The following STK36 variants were observed in gnomAD, a reference collection of about 807,000 sequenced individuals.
The protein encoded by STK36 is serine/threonine kinase 36, also known as serine/threonine-protein kinase 36.
Under a neutral mutation model 142.2 loss-of-function variants are expected in STK36, and 116 were observed. The ratio of observed to expected loss-of-function variants is 0.82; its 90% CI spans 0.70 to 0.95. STK36 has a LOEUF of 0.95. Ranked by LOEUF, STK36 falls within the 40% of genes least tolerant of loss-of-function variation. The probability of loss-of-function intolerance (pLI) is 0.00; values close to 1 mark genes in which losing one functional copy is unlikely to be tolerated. For synonymous variants in STK36, 619 were observed against 641.7 expected, an observed-to-expected ratio of 0.96 and a Z score of 0.53; for missense variants, 1,422 against 1,617.2, an observed-to-expected ratio of 0.88 and a Z score of 2.07.
chr2:218,673,666 G>A lies in STK36; in HGVS notation c.126G>A (p.Glu42=), dbSNP rs762166190. The A allele has an allele frequency of 4.3e-6, 7 of 1,614,102 alleles. No homozygotes were observed. The highest frequency in any genetic ancestry group is 5.1e-6 in the Non-Finnish European group (6 of 1,180,040). The part of the protein sequence containing the change: ...LKFIPKLGRS[E]KELRNLQREI... Reference sequence around the variant, plus strand: ...TCATCCCAAAATTGGGGCGCTCAGAGAAGGAGCTGAGGAATTTGCAACGAG... The same window carrying A: ...TCATCCCAAAATTGGGGCGCTCAGAAAAGGAGCTGAGGAATTTGCAACGAG... The change falls in exon 3 of 27, where the codon GAG becomes GAA. Residue 42 remains glutamate, a synonymous_variant. Transcript: ENST00000295709.
At position 218,673,706 on chromosome 2, in the gene STK36, C is replaced by G; in HGVS notation, c.166C>G (p.Arg56Gly). 6.2e-7 allele frequency: 1 copy of G among 1,614,106 alleles called. No individual in the cohort carries two copies. The highest frequency in any genetic ancestry group is 8.5e-7 in the Non-Finnish European group (1 of 1,180,004). Residue 56 changes from arginine to glycine, a missense_variant, in exon 3 of 27, where the codon CGG (arginine) becomes GGG (glycine). Physicochemically the swap from Arg to Gly is moderately radical, Grantham distance 125. Coordinates refer to ENST00000295709, the MANE Select transcript of STK36 (RefSeq NM_015690.5). Reference protein sequence around the residue: ...RNLQREIEIMRGLRHPNIVHM... With the variant: ...RNLQREIEIMGGLRHPNIVHM... ...TTTGCAACGAGAGATTGAAATAATG[C>G]GGGGTCTGCGGCATCCCAACATTGT... is the stretch of plus-strand genomic sequence containing the variant.
At chr2:218,691,906 A>G (rs1227829932) in intron 14 of STK36, among the ~76,000 whole-genome samples, 1 of 152,222 alleles carries the variant, frequency 6.6e-6, no homozygotes, top group South Asian at 2.1e-4. Flanking sequence ...ACTTTGAGAA[A>G]CATCATCTAG....
intron 9 of STK36, 122 bp downstream of exon 9, chr2:218,680,202 A>G: frequency 1.1e-6 from 1 of 905,278 alleles, no homozygotes; most frequent in Non-Finnish European, 1.7e-6. Flanking sequence ...TAGAGCCTCG[A>G]GAGTCTGAGT....
At position 218,694,305 on chromosome 2, in the gene STK36, A is replaced by G. The variant is rs771194806; in HGVS notation, c.2378A>G (p.His793Arg). The G allele has an allele frequency of 1.9e-6, 3 of 1,614,100 alleles. No individual in the cohort carries two copies. The highest frequency in any genetic ancestry group is 1.1e-5 in the South Asian group (1 of 91,080). The change falls in exon 20 of 27, where the codon CAT becomes CGT. Residue 793 changes from histidine to arginine, a missense_variant. By Grantham distance (29) the His-to-Arg change is conservative (BLOSUM62 0). Around this residue, in one of 2 missense-constraint regions of STK36, gnomAD observed 962 missense variants for 1,167.5 expected, o/e 0.82. Coordinates refer to ENST00000295709, the MANE Select transcript of STK36 (RefSeq NM_015690.5). The surrounding 1 kb of genome is among the most constrained non-coding windows in gnomAD (Gnocchi z 4.4). ...AGTGACGTTGCTACTCTCTTTACCC[A>G]TTCGCATGTCGTCTCTCTTGTGGTA... ...LGSDVATLFT[H>R]SHVVSLVSAA...
In STK36 at chr2:218,694,267, G is replaced by A; in HGVS notation, c.2340G>A (p.Met780Ile). The A allele has an allele frequency of 6.2e-7, 1 of 1,613,788 alleles. No homozygotes were observed. Among genetic ancestry groups the A allele is most frequent in the Non-Finnish European group, 8.5e-7 (1 of 1,179,648 alleles). The change falls in exon 20 of 27, where the codon ATG becomes ATA. Residue 780 changes from methionine to isoleucine, a missense_variant. Physicochemically the swap from Met to Ile is conservative, Grantham distance 10. Coordinates refer to ENST00000295709, the MANE Select transcript of STK36 (RefSeq NM_015690.5). This position sits in a 1 kb window ranked among gnomAD's most constrained non-coding sequence, Gnocchi z 4.4. ...VFRLQNLPCG[M>I]EKLGSDVATL... Reference sequence around the variant, plus strand: ...TTGATGTATCTCTTTATTCCAGAATGGAGAAGCTAGGCAGTGACGTTGCTA... The same window carrying A: ...TTGATGTATCTCTTTATTCCAGAATAGAGAAGCTAGGCAGTGACGTTGCTA...
intron 11 of STK36, among the ~76,000 whole-genome samples, chr2:218,687,605 A>G (rs1351824559): frequency 6.6e-6 from 1 of 152,182 alleles, no homozygotes; most frequent in Non-Finnish European, 1.5e-5. Context: ...GTGGGGAGGC[A>G]GACTGAAAGC....
intron 22 of STK36, chr2:218,696,805 G>A: frequency 1.1e-6 from 1 of 897,920 alleles, no homozygotes; most frequent in Non-Finnish European, 1.9e-6. Context: ...GGGATCCAGT[G>A]GGAGATAAAA....
Position 218,672,102 on chromosome 2 carries a change from C to G in STK36, c.-203C>G. On this transcript the variant is annotated 5_prime_UTR_variant, in exon 1 of 27. Coordinates refer to ENST00000295709, the MANE Select transcript of STK36 (RefSeq NM_015690.5). Reference sequence around the variant, plus strand: ...CGGGTCCTTAGCCGGGCCTGATGGCCCTGAGGCAGTTCGGATGTGTCCCAG... The same window carrying G: ...CGGGTCCTTAGCCGGGCCTGATGGCGCTGAGGCAGTTCGGATGTGTCCCAG... 6 of 1,109,064 alleles carry G rather than the reference C, an allele frequency of 5.4e-6. No homozygotes were observed. The highest frequency in any genetic ancestry group is 8.0e-6 in the Non-Finnish European group (6 of 749,384). The allele number at this position is 1,109,064 out of a possible 1,614,324, so 68.7% of individuals were successfully genotyped here. A position where few individuals can be genotyped will look rare whatever the true frequency, so the allele number is the denominator to read the frequency against.
At chr2:218,674,725 C>T (rs1035648123) in intron 4 of STK36, among the ~76,000 whole-genome samples, 5 of 152,172 alleles carry the variant, frequency 3.3e-5, no homozygotes, top group Non-Finnish European at 7.3e-5. Flanking sequence ...CCTCAGCCTC[C>T]CCAGTAACCA....
intron 23 of STK36, 89 bp downstream of exon 23, chr2:218,697,302 A>AT (rs1255175566): frequency 2.9e-5 from 45 of 1,527,802 alleles, no homozygotes; most frequent in Admixed American, 4.3e-5. Context: ...ACAGAGGTTT[A>AT]TTTTTTTTGC....
rs952737353 is a variant in STK36, at chr2:218,688,691, A to C, written c.1381-6A>C. The C allele has an allele frequency of 2.5e-6, 4 of 1,609,976 alleles. No individual in the cohort carries two copies. The highest frequency in any genetic ancestry group is 1.7e-5 in the Admixed American group (1 of 59,204). The stretch of plus-strand genomic sequence containing the variant: ...AATCGTTGCCTCTTTCCCTCATGTC[A>C]CCCAGATCCTGAAAGGCATCTTGGA... On this transcript the variant is annotated splice_polypyrimidine_tract_variant and splice_region_variant and intron_variant, in intron 11 of 26. Transcript: ENST00000295709.
chr2:218,698,730 C>T lies in STK36; in HGVS notation c.3186C>T (p.Ile1062=), dbSNP rs989998178. The change falls in exon 26 of 27, where the codon ATC becomes ATT. Residue 1062 remains isoleucine (I), a synonymous_variant. Transcript: ENST00000295709. Reference sequence around the variant, plus strand: ...CAGTGTCTGCCTCCCCTAGAACCATCGTCTCGTTTCTCTCAGTTGCCCTCC... The same window carrying T: ...CAGTGTCTGCCTCCCCTAGAACCATTGTCTCGTTTCTCTCAGTTGCCCTCC... ...VNTVSASPRT[I]VSFLSVALLS... 6.2e-7 allele frequency: 1 copy of T among 1,614,230 alleles called. No homozygotes were observed. Among genetic ancestry groups the T allele is most frequent in the Non-Finnish European group, 8.5e-7 (1 of 1,180,044 alleles).
At chr2:218,684,222 CT>C (rs1170721203) in intron 10 of STK36, among the ~76,000 whole-genome samples, 2 of 150,764 alleles carry the variant, frequency 1.3e-5, no homozygotes, top group African/African-American at 4.9e-5. Flanking sequence ...AGCGATTATC[CT>C]GCCTCTGCCT....
intron 10 of STK36, among the ~76,000 whole-genome samples, chr2:218,684,514 G>A (rs1229900460): frequency 1.6e-5 from 2 of 128,048 alleles, no homozygotes; most frequent in Non-Finnish European, 3.1e-5. Context: ...TCTGTCTCCC[G>A]GGTTCAAACA....
chr2:218,683,658 A>G (rs1036264932), intron 10 of STK36, among the ~76,000 whole-genome samples: 1 of 152,170 alleles, frequency 6.6e-6, no homozygotes, highest in African/African-American at 2.4e-5. Flanking sequence ...ATATGTATAC[A>G]TGTGCCATGC....
chr2:218,696,098 C>G (rs6732777), intron 21 of STK36, among the ~76,000 whole-genome samples: 9,620 of 150,492 alleles, frequency 0.064, 1,025 homozygotes, highest in African/African-American at 0.22. Flanking sequence ...TCCTGACTTC[C>G]TGATCCCCCC....
chr2:218,680,789 C>A, intron 10 of STK36, 87 bp downstream of exon 10: 2 of 1,151,000 alleles, frequency 1.7e-6, no homozygotes, highest in East Asian at 2.6e-5. Flanking sequence ...TGATTCCCAA[C>A]TCCCTAAGTA....
At chr2:218,689,670 C>A (rs1445616339) in intron 12 of STK36, among the ~76,000 whole-genome samples, 189 bp from the exon 13 acceptor site, 1 of 152,222 alleles carries the variant, frequency 6.6e-6, no homozygotes, top group Non-Finnish European at 1.5e-5. Flanking sequence ...CACATTTAAT[C>A]CAGGCTGTTC....
At chr2:218,689,278 G>A (rs888546854) in intron 12 of STK36, among the ~76,000 whole-genome samples, 21 of 152,158 alleles carry the variant, frequency 1.4e-4, no homozygotes, top group African/African-American at 7.2e-5. Flanking sequence ...TATTTAGAGC[G>A]CTGTGCTTTG....
Sources: allele counts gnomAD v4.1 joint callset (sites outside exome capture counted in the v4.1 genomes callset), GRCh38; gene constraint gnomAD v4.1.1; regional missense constraint gnomAD v4.1.1; non-coding constraint Gnocchi (gnomAD v3.1); transcripts MANE v1.5; gene names NCBI Gene and HGNC (gene_info 2026-07-23, HGNC 2026-07-21).